TACR3: variants seen among roughly 807,000 people sequenced by gnomAD.
The protein encoded by TACR3 is tachykinin receptor 3.
Under a neutral mutation model 35.0 loss-of-function variants are expected in TACR3, and 34 were observed. The ratio of observed to expected loss-of-function variants is 0.97; its 90% CI spans 0.74 to 1.30. The LOEUF (loss-of-function observed/expected upper bound fraction) is 1.30. Ranked by LOEUF, TACR3 falls within the 50% of genes most tolerant of loss-of-function variation. The probability of loss-of-function intolerance (pLI) is 0.00; values close to 1 mark genes in which losing one functional copy is unlikely to be tolerated. For synonymous variants in TACR3, 233 were observed against 221.1 expected (o/e 1.05, Z -0.48); for missense variants, 558 against 591.7 (o/e 0.94, Z 0.59).
intron 3 of TACR3, among the ~76,000 whole-genome samples, chr4:103,644,779 A>T (rs1008857209): frequency 6.6e-6 from 1 of 151,658 alleles, no homozygotes; most frequent in Non-Finnish European, 1.5e-5. Flanking sequence ...AGGAGATATT[A>T]TGGTTTTATG....
At position 103,614,882 on chromosome 4, in the gene TACR3, GTGTTTTTTTT is replaced by G. The variant is rs1158891832; in HGVS notation, c.889-23209_889-23200del. On this transcript the variant is annotated intron_variant, in intron 3 of 4. Transcript: ENST00000304883. ...ACTATAACCTAAGTTGATTATGAAT[GTGTTTTTTTT>G]TTTTTTTTTTTTTTTTTTTTGAGAC... Among the ~76,000 whole-genome samples, 21 of 90,874 alleles carry G rather than the reference GTGTTTTTTTT, an allele frequency of 2.3e-4. 1 individual carries two copies. Among genetic ancestry groups the G allele is most frequent in the African/African-American group, 8.2e-4 (19 of 23,038 alleles). The allele number at this position is 90,874 out of a possible 152,430, so 59.6% of individuals were successfully genotyped here. A position where few individuals can be genotyped will look rare whatever the true frequency, so the allele number is the denominator to read the frequency against.
At chr4:103,621,746 T>TTTAG (rs1724786200) in intron 3 of TACR3, among the ~76,000 whole-genome samples, 1 of 152,196 alleles carries the variant, frequency 6.6e-6, no homozygotes, top group Non-Finnish European at 1.5e-5. Context: ...AAAATTATTA[T>TTTAG]TTAGTTTTTA....
At chr4:103,680,310 A>C (rs2110208445) in intron 1 of TACR3, among the ~76,000 whole-genome samples, 1 of 151,846 alleles carries the variant, frequency 6.6e-6, no homozygotes, top group South Asian at 2.1e-4. Context: ...TAGTCTGTAG[A>C]AATTTTTATT....
At chr4:103,650,700 T>TTA (rs1725584118) in intron 3 of TACR3, among the ~76,000 whole-genome samples, 1 of 56,088 alleles carries the variant, frequency 1.8e-5, no homozygotes, top group South Asian at 4.5e-4. Flanking sequence ...AATATATATT[T>TTA]ATATATATAA....
intron 3 of TACR3, among the ~76,000 whole-genome samples, chr4:103,653,263 T>C (rs115427342): frequency 0.023 from 3,440 of 151,952 alleles, 54 homozygotes; most frequent in Middle Eastern, 0.058. Context: ...AGTAATGAAA[T>C]CAAAAGGTAA....
At chr4:103,600,161 A>T (rs1200836737) in intron 3 of TACR3, among the ~76,000 whole-genome samples, 1 of 152,066 alleles carries the variant, frequency 6.6e-6, no homozygotes, top group African/African-American at 2.4e-5. Context: ...CAGAGATTCA[A>T]CTTCTTCCTG....
At chr4:103,655,766 A>G (rs1725720532) in intron 3 of TACR3, among the ~76,000 whole-genome samples, 1 of 152,048 alleles carries the variant, frequency 6.6e-6, no homozygotes, top group African/African-American at 2.4e-5. Context: ...ATAGATGTAT[A>G]TTAGAAAATT....
At chr4:103,698,323 T>C (rs1013587600) in intron 1 of TACR3, among the ~76,000 whole-genome samples, 7 of 152,228 alleles carry the variant, frequency 4.6e-5, no homozygotes, top group Non-Finnish European at 1.0e-4. Context: ...ATAGTACTTA[T>C]ACAATATAAA....
At chr4:103,710,766 G>A (rs1417713453) in intron 1 of TACR3, among the ~76,000 whole-genome samples, 2 of 152,102 alleles carry the variant, frequency 1.3e-5, no homozygotes, top group African/African-American at 2.4e-5. Context: ...AAGAAGAAAA[G>A]AGAGTGGAAT....
At chr4:103,591,891 T>A (rs1299036404) in intron 3 of TACR3, among the ~76,000 whole-genome samples, 1 of 152,112 alleles carries the variant, frequency 6.6e-6, no homozygotes, top group Non-Finnish European at 1.5e-5. Flanking sequence ...CATTTCTACC[T>A]ATCTAAGTGA....
chr4:103,596,203 A>G (rs1291466939), intron 3 of TACR3, among the ~76,000 whole-genome samples: 3 of 150,756 alleles, frequency 2.0e-5, no homozygotes, highest in Non-Finnish European at 4.4e-5. Context: ...TAGTGCCGCA[A>G]TAAACATACG....
intron 3 of TACR3, among the ~76,000 whole-genome samples, chr4:103,647,756 A>G (rs2110323821): frequency 6.6e-6 from 1 of 152,112 alleles, no homozygotes; most frequent in East Asian, 1.9e-4. Flanking sequence ...TAAAGCTATC[A>G]GCTTATTTCT....
intron 1 of TACR3, among the ~76,000 whole-genome samples, chr4:103,690,561 C>T (rs1455409630): frequency 6.6e-6 from 1 of 151,870 alleles, no homozygotes; most frequent in Admixed American, 6.6e-5. Context: ...GTCAATAAAC[C>T]ACTTTTACTA....
chr4:103,686,238 G>A (rs141137337), intron 1 of TACR3, among the ~76,000 whole-genome samples: 4 of 152,276 alleles, frequency 2.6e-5, no homozygotes, highest in South Asian at 2.1e-4. Context: ...CTGGATGAAT[G>A]TGAGGCAGAC....
chr4:103,625,371 T>A (rs1012584437), intron 3 of TACR3, among the ~76,000 whole-genome samples: 2 of 151,750 alleles, frequency 1.3e-5, no homozygotes, highest in African/African-American at 4.8e-5. Context: ...TATGTACAAA[T>A]GAAAAGGTGA....
At chr4:103,681,171 T>TTTAG (rs1722078797) in intron 1 of TACR3, among the ~76,000 whole-genome samples, 1 of 152,034 alleles carries the variant, frequency 6.6e-6, no homozygotes, top group Non-Finnish European at 1.5e-5. Flanking sequence ...AAAATGTCAC[T>TTTAG]TTAGTTATTC....
chr4:103,599,712 T>C lies in TACR3; in HGVS notation c.889-8029A>G, dbSNP rs561431823. 1.7e-4 allele frequency among the ~76,000 whole-genome samples: 26 copies of C among 152,232 alleles called. No homozygotes were observed. The East Asian group carries it at 3.9e-3, about 23-fold the overall frequency. On this transcript the variant is annotated intron_variant, in intron 3 of 4. Coordinates refer to ENST00000304883, the MANE Select transcript of TACR3 (RefSeq NM_001059.3). ...GCCTTTTCTGCATCTATTGAGATAG[T>C]CATGTGCTTTTTGTCATTGGTTCTG...
At chr4:103,696,632 T>A (rs1560535368) in intron 1 of TACR3, among the ~76,000 whole-genome samples, 1 of 152,180 alleles carries the variant, frequency 6.6e-6, no homozygotes, top group Non-Finnish European at 1.5e-5. Flanking sequence ...TATTTTTTTA[T>A]GTGAAGATTT....
intron 3 of TACR3, among the ~76,000 whole-genome samples, chr4:103,605,674 T>C (rs1157644162): frequency 6.6e-6 from 1 of 152,132 alleles, no homozygotes; most frequent in African/African-American, 2.4e-5. Context: ...TCGATGGGGT[T>C]GTTTTTTTCT....
Sources: gnomAD v4.1 joint callset for allele counts (sites outside exome capture counted in the v4.1 genomes callset) on GRCh38, gnomAD v4.1.1 for gene constraint, MANE v1.5 for transcripts, NCBI Gene and HGNC (gene_info 2026-07-23, HGNC 2026-07-21) for gene names.